The following MED9 variants were observed in gnomAD, a reference collection of about 807,000 sequenced individuals.
MED9 encodes the protein mediator of RNA polymerase II transcription subunit 9.
Under a neutral mutation model 13.2 loss-of-function variants are expected in MED9, and 8 were observed. That is an observed-to-expected ratio of 0.61 (90% CI 0.36 to 1.10). MED9 has a LOEUF of 1.10. MED9 is among the 50% of genes least tolerant of loss of function. MED9 has a pLI of 0.02. For missense variants in MED9, 180 were observed against 193.4 expected (o/e 0.93, Z 0.41); for synonymous variants, 87 against 82.8 (o/e 1.05, Z -0.28).
rs4924856 is a variant in MED9 at position 17,479,882 on chromosome 17, A to G, written c.224+2617A>G. Among the ~76,000 whole-genome samples, 695 of 152,306 alleles carry G rather than the reference A, an allele frequency of 4.6e-3. 3 individuals carry two copies. The highest frequency in any genetic ancestry group is 0.015 in the African/African-American group (627 of 41,564). ...GTGGATGACCAGGGCTAATTCATCT[A>G]CCAACTCCTAAGCACCTGGTTTGTT... On this transcript the variant is annotated intron_variant, in intron 1 of 1. Coordinates refer to ENST00000268711, the MANE Select transcript of MED9 (RefSeq NM_018019.3).
At chr17:17,489,511 A>C (rs532250941) in intron 1 of MED9, among the ~76,000 whole-genome samples, 27 of 152,302 alleles carry the variant, frequency 1.8e-4, no homozygotes, top group African/African-American at 6.3e-4. Flanking sequence ...TTTAATTTTA[A>C]AACTTCCTTG....
intron 1 of MED9, among the ~76,000 whole-genome samples, chr17:17,480,227 T>A (rs1371249237): frequency 1.3e-5 from 2 of 152,082 alleles, no homozygotes; most frequent in Non-Finnish European, 2.9e-5. Context: ...TAAGAGAAAG[T>A]TCACAGTCTG....
In MED9 at chr17:17,493,143, C is replaced by A. The variant is rs1905275927; in HGVS notation, c.*1648C>A. 1 of 152,176 alleles carries A rather than the reference C, an allele frequency of 6.6e-6. No homozygotes were observed. Among genetic ancestry groups the A allele is most frequent in the Admixed American group, 6.5e-5 (1 of 15,286 alleles). 9.4% of individuals were successfully genotyped at this position (152,176 alleles called of 1,614,324 possible). ...CTCACGGGGGTGGAGGGAGCCGGAG[C>A]CTGCCTTGTGTTCCTTTTTTGACTT... On this transcript the variant is annotated 3_prime_UTR_variant, in exon 2 of 2. Coordinates refer to ENST00000268711, the MANE Select transcript of MED9 (RefSeq NM_018019.3).
At chr17:17,488,858 A>G (rs575348448) in intron 1 of MED9, among the ~76,000 whole-genome samples, 1 of 152,066 alleles carries the variant, frequency 6.6e-6, no homozygotes, top group East Asian at 1.9e-4. Context: ...AAAAGAAACC[A>G]CAGTACCACA....
intron 1 of MED9, 131 bp from the exon 2 acceptor site, chr17:17,491,146 CAG>C (rs1318649123): frequency 1.1e-5 from 9 of 840,468 alleles, no homozygotes; most frequent in South Asian, 4.7e-5. Context: ...ACAGCCTAGT[CAG>C]GGGATAGACA....
intron 1 of MED9, among the ~76,000 whole-genome samples, chr17:17,491,005 C>T (rs1191459237): frequency 3.3e-5 from 5 of 152,150 alleles, no homozygotes; most frequent in Non-Finnish European, 7.3e-5. Flanking sequence ...CAGACATGGT[C>T]CTTGACCTCA....
Position 17,493,134 on chromosome 17 carries a change from G to GAGCC in MED9, c.*1640_*1643dup, listed in dbSNP as rs1905275288. The GAGCC allele has an allele frequency of 6.6e-6, 1 of 152,200 alleles. No individual in the cohort carries two copies. Among genetic ancestry groups the GAGCC allele is most frequent in the Admixed American group, 6.5e-5 (1 of 15,280 alleles). The allele number at this position is 152,200 out of a possible 1,614,324, so 9.4% of individuals were successfully genotyped here. A position where few individuals can be genotyped will look rare whatever the true frequency, so the allele number is the denominator to read the frequency against. ...CAAGGGCTCCTCACGGGGGTGGAGG[G>GAGCC]AGCCGGAGCCTGCCTTGTGTTCCTT... On this transcript the variant is annotated 3_prime_UTR_variant, in exon 2 of 2. Transcript: ENST00000268711.
At chr17:17,485,154 C>A (rs970815877) in intron 1 of MED9, 7 of 342,252 alleles carry the variant, frequency 2.0e-5, no homozygotes, top group Middle Eastern at 7.6e-4. Context: ...GCTGGGACTA[C>A]AGGCACACGC....
At chr17:17,489,897 G>T (rs1010873323) in intron 1 of MED9, among the ~76,000 whole-genome samples, 1 of 152,188 alleles carries the variant, frequency 6.6e-6, no homozygotes, top group African/African-American at 2.4e-5. Flanking sequence ...CTGATGGATC[G>T]CCAGGAAAGA....
At chr17:17,490,138 T>TA (rs1905203676) in intron 1 of MED9, among the ~76,000 whole-genome samples, 1 of 152,182 alleles carries the variant, frequency 6.6e-6, no homozygotes, top group African/African-American at 2.4e-5. Flanking sequence ...TACTAACTTT[T>TA]AAAAAACGTA....
rs550910041 is a variant in MED9, at chr17:17,477,090, C to A, written c.49C>A (p.Pro17Thr). ...AAGRQAEDVL[P>T]PTSDQPLPDT... Reference sequence around the variant, plus strand: ...CGGGCGACAGGCGGAGGATGTATTGCCGCCAACGTCCGACCAGCCGCTGCC... The same window carrying A: ...CGGGCGACAGGCGGAGGATGTATTGACGCCAACGTCCGACCAGCCGCTGCC... Residue 17 changes from proline to threonine, a missense_variant, in exon 1 of 2, where the codon CCG becomes ACG. By Grantham distance (38) the Pro-to-Thr change is conservative (BLOSUM62 -1). Transcript: ENST00000268711. 6.2e-7 allele frequency: 1 copy of A among 1,606,632 alleles called. No individual in the cohort carries two copies. Among genetic ancestry groups the A allele is most frequent in the Non-Finnish European group, 8.5e-7 (1 of 1,179,288 alleles).
chr17:17,489,668 C>G (rs1394195553), intron 1 of MED9, among the ~76,000 whole-genome samples: 1 of 152,150 alleles, frequency 6.6e-6, no homozygotes, highest in East Asian at 1.9e-4. Flanking sequence ...TGCTTCCTTC[C>G]AAAGGATTTT....
chr17:17,489,162 C>T (rs1905188595), intron 1 of MED9, among the ~76,000 whole-genome samples: 1 of 152,252 alleles, frequency 6.6e-6, no homozygotes, highest in Non-Finnish European at 1.5e-5. Context: ...GGCAGTTGGG[C>T]TTGCAGAGGG....
intron 1 of MED9, among the ~76,000 whole-genome samples, chr17:17,480,248 C>A (rs553951179): frequency 6.6e-6 from 1 of 152,018 alleles, no homozygotes; most frequent in Non-Finnish European, 1.5e-5. Flanking sequence ...AAGAGAGACA[C>A]CACCCGAGCC....
chr17:17,481,688 T>C (rs73292350), intron 1 of MED9, among the ~76,000 whole-genome samples: 13,893 of 152,258 alleles, frequency 0.091, 1,391 homozygotes, highest in African/African-American at 0.25. Context: ...GCATAACTGA[T>C]GGAACTGGTT....
chr17:17,482,676 C>A (rs1242515), intron 1 of MED9, among the ~76,000 whole-genome samples: 87,839 of 152,002 alleles, frequency 0.58, 27,667 homozygotes, highest in Non-Finnish European at 0.73. Context: ...TTTGGTCCTA[C>A]TTAGAAAGGC....
rs866483308 is a variant in MED9, at chr17:17,491,686, G to A, written c.*191G>A. The A allele has an allele frequency of 6.6e-6, 4 of 602,662 alleles. No homozygotes were observed. Among genetic ancestry groups the A allele is most frequent in the South Asian group, 2.0e-5 (1 of 50,580 alleles). 37.3% of individuals were successfully genotyped at this position (602,662 alleles called of 1,614,324 possible). ...CAGCGCAGAGCTTGGCTGCGCCGGG[G>A]GTTCCTCGTGTAGATCCATATGTCT... On this transcript the variant is annotated 3_prime_UTR_variant, in exon 2 of 2. Transcript: ENST00000268711.
rs1905253723 is a variant in MED9, at chr17:17,492,368, T to G, written c.*873T>G. 1 of 152,324 alleles carries G rather than the reference T, an allele frequency of 6.6e-6. No homozygotes were observed. Among genetic ancestry groups the G allele is most frequent in the South Asian group, 2.1e-4 (1 of 4,828 alleles). The allele number at this position is 152,324 out of a possible 1,614,324, so 9.4% of individuals were successfully genotyped here. ...CATTTCAGATTCCCCTTGCTCTGGT[T>G]AAAAGGTCTTTCCCTCGTGGCCTTT... On this transcript the variant is annotated 3_prime_UTR_variant, in exon 2 of 2. Coordinates refer to ENST00000268711, the MANE Select transcript of MED9 (RefSeq NM_018019.3).
In MED9 at chr17:17,491,824, G is replaced by A. The variant is rs1201196711; in HGVS notation, c.*329G>A. On this transcript the variant is annotated 3_prime_UTR_variant, in exon 2 of 2. Coordinates refer to ENST00000268711, the MANE Select transcript of MED9 (RefSeq NM_018019.3). Reference sequence around the variant, plus strand: ...GGGGAGGGGGCCATCTGCTGCGCCCGGCCCCACTGACAGATCTGAAGAGCA... The same window carrying A: ...GGGGAGGGGGCCATCTGCTGCGCCCAGCCCCACTGACAGATCTGAAGAGCA... 4 of 370,490 alleles carry A rather than the reference G, an allele frequency of 1.1e-5. No homozygotes were observed. Among genetic ancestry groups the A allele is most frequent in the African/African-American group, 2.1e-5 (1 of 47,878 alleles). 23.0% of individuals were successfully genotyped at this position (370,490 alleles called of 1,614,324 possible).
Sources: gnomAD v4.1 joint callset for allele counts (sites outside exome capture counted in the v4.1 genomes callset) on GRCh38, gnomAD v4.1.1 for gene constraint, MANE v1.5 for transcripts, NCBI Gene and HGNC (gene_info 2026-07-23, HGNC 2026-07-21) for gene names.